Variants in CNTNAP2 observed in about 807,000 individuals in gnomAD.
CNTNAP2 encodes the protein contactin associated protein 2, also known as contactin-associated protein-like 2.
In CNTNAP2, 98 loss-of-function variants were observed where a neutral mutation model predicts 155.2. The observed-to-expected ratio is 0.63, with a 90% CI of 0.54 to 0.75. CNTNAP2 has a LOEUF of 0.75. Among genes scored for constraint, CNTNAP2 ranks in the 30% least tolerant of loss-of-function variants. The pLI is 0.00. For missense variants in CNTNAP2, 1,727 were observed against 1,688.1 expected (o/e 1.02, Z -0.40); for synonymous variants, 651 against 631.2 (o/e 1.03, Z -0.47).
At chr7:147,183,336 A>G (rs952549289) in intron 8 of CNTNAP2, among the ~76,000 whole-genome samples, 1 of 152,236 alleles carries the variant, frequency 6.6e-6, no homozygotes, top group Non-Finnish European at 1.5e-5. Context: ...GAGATTAATC[A>G]TAAATAAGCA....
chr7:146,226,081 C>T (rs748419889), intron 1 of CNTNAP2, among the ~76,000 whole-genome samples: 7 of 152,062 alleles, frequency 4.6e-5, no homozygotes, highest in Non-Finnish European at 1.0e-4. Context: ...AGAACAATTC[C>T]CAACTTGAAA....
intron 1 of CNTNAP2, among the ~76,000 whole-genome samples, chr7:146,768,486 T>C (rs965146825): frequency 1.5e-4 from 22 of 151,594 alleles, no homozygotes; most frequent in Non-Finnish European, 2.7e-4. Context: ...AGGGGGTAGA[T>C]AAAAGACCTC....
intron 8 of CNTNAP2, among the ~76,000 whole-genome samples, chr7:147,295,129 C>G (rs1235047167): frequency 6.6e-6 from 1 of 152,120 alleles, no homozygotes; most frequent in African/African-American, 2.4e-5. Context: ...ACTTAATCCA[C>G]CTACTCAAAG....
At chr7:147,385,333 A>T (rs1452431293) in intron 9 of CNTNAP2, among the ~76,000 whole-genome samples, 1 of 152,066 alleles carries the variant, frequency 6.6e-6, no homozygotes, top group Non-Finnish European at 1.5e-5. Flanking sequence ...CAGTCCCCCA[A>T]AGTCTTAACT....
At chr7:147,720,064 T>G (rs1360490437) in intron 13 of CNTNAP2, among the ~76,000 whole-genome samples, 5 of 152,104 alleles carry the variant, frequency 3.3e-5, no homozygotes, top group Non-Finnish European at 2.9e-5. Context: ...TGTTTTTTTC[T>G]TATACTCAAT....
chr7:147,106,090 C>G (rs1800759731), intron 4 of CNTNAP2, among the ~76,000 whole-genome samples: 1 of 151,828 alleles, frequency 6.6e-6, no homozygotes, highest in African/African-American at 2.4e-5. Flanking sequence ...ATTCTTGTTC[C>G]CTGAGTAAAA....
intron 2 of CNTNAP2, among the ~76,000 whole-genome samples, chr7:146,825,308 AC>A (rs1445801251): frequency 1.3e-5 from 2 of 152,098 alleles, no homozygotes; most frequent in African/African-American, 4.8e-5. Context: ...TGTGCCATTC[AC>A]CTTCATAGGA....
At chr7:146,229,844 T>C (rs761149420) in intron 1 of CNTNAP2, among the ~76,000 whole-genome samples, 1 of 152,174 alleles carries the variant, frequency 6.6e-6, no homozygotes, top group African/African-American at 2.4e-5. Flanking sequence ...TATCCTACTT[T>C]TGAACATCTT....
At chr7:147,857,788 A>AC (rs1799064245) in intron 13 of CNTNAP2, among the ~76,000 whole-genome samples, 1 of 152,234 alleles carries the variant, frequency 6.6e-6, no homozygotes, top group Non-Finnish European at 1.5e-5. Context: ...GCACTAGAAA[A>AC]ATTCGTAAAT....
chr7:147,905,493 C>G (rs2116755329), intron 14 of CNTNAP2, among the ~76,000 whole-genome samples: 1 of 152,286 alleles, frequency 6.6e-6, no homozygotes, highest in Admixed American at 6.5e-5. Context: ...CTCAGGAGCT[C>G]CAAAACTAGT....
chr7:147,328,416 G>C (rs1025641098), intron 9 of CNTNAP2, among the ~76,000 whole-genome samples: 1 of 152,138 alleles, frequency 6.6e-6, no homozygotes, highest in Non-Finnish European at 1.5e-5. Flanking sequence ...AGGTCATCCA[G>C]GGTCAATAAA....
chr7:147,686,702 C>T (rs936863064), intron 13 of CNTNAP2, among the ~76,000 whole-genome samples: 13 of 151,864 alleles, frequency 8.6e-5, no homozygotes, highest in African/African-American at 3.1e-4. Context: ...TTTAGGCTGT[C>T]CTGGAAGGAG....
intron 4 of CNTNAP2, among the ~76,000 whole-genome samples, chr7:147,091,455 C>G (rs1800401660): frequency 1.3e-5 from 2 of 151,932 alleles, no homozygotes; most frequent in African/African-American, 4.8e-5. Flanking sequence ...ATACTTTTTT[C>G]TTTTTTCTTT....
At chr7:147,091,618 ATTT>A (rs111317397) in intron 4 of CNTNAP2, among the ~76,000 whole-genome samples, 2 of 137,832 alleles carry the variant, frequency 1.5e-5, no homozygotes, top group Non-Finnish European at 3.1e-5. Context: ...CACCCAGCTA[ATTT>A]TTTTTTTTTT....
chr7:146,150,719 G>C (rs1798024114), intron 1 of CNTNAP2, among the ~76,000 whole-genome samples: 1 of 151,742 alleles, frequency 6.6e-6, no homozygotes, highest in African/African-American at 2.4e-5. Flanking sequence ...CCAACTTTAG[G>C]TAGAAATCTA....
intron 1 of CNTNAP2, among the ~76,000 whole-genome samples, chr7:146,249,807 G>A (rs1001098884): frequency 6.6e-6 from 1 of 151,294 alleles, no homozygotes; most frequent in African/African-American, 2.4e-5. Context: ...TATTTCCTTG[G>A]CCGTTCATTA....
At chr7:147,679,438 G>GT (rs1276819697) in intron 13 of CNTNAP2, among the ~76,000 whole-genome samples, 3 of 151,830 alleles carry the variant, frequency 2.0e-5, no homozygotes, top group African/African-American at 7.2e-5. Context: ...AGTGTCTAAA[G>GT]TTTTTTTAGA....
chr7:147,367,259 A>G (rs1349105934), intron 9 of CNTNAP2, among the ~76,000 whole-genome samples: 2 of 152,144 alleles, frequency 1.3e-5, no homozygotes, highest in African/African-American at 4.8e-5. Flanking sequence ...GCCACATCCT[A>G]TTGGAGGGAA....
At chr7:146,810,185 T>G (rs1319747264) in intron 2 of CNTNAP2, among the ~76,000 whole-genome samples, 1 of 152,156 alleles carries the variant, frequency 6.6e-6, no homozygotes, top group African/African-American at 2.4e-5. Context: ...TTTTCTGTGC[T>G]CTGTATTTTG....
Sources: gnomAD v4.1 joint callset for allele counts (sites outside exome capture counted in the v4.1 genomes callset) on GRCh38, gnomAD v4.1.1 for gene constraint, MANE v1.5 for transcripts, NCBI Gene and HGNC (gene_info 2026-07-23, HGNC 2026-07-21) for gene names.